The following STAT4 variants were observed in gnomAD, a reference collection of about 807,000 sequenced individuals.
STAT4 encodes the protein signal transducer and activator of transcription 4.
Under a neutral mutation model 110.5 loss-of-function variants are expected in STAT4, and 42 were observed. The ratio of observed to expected loss-of-function variants is 0.38; its 90% CI spans 0.30 to 0.49. The LOEUF is 0.49. Among genes scored for constraint, STAT4 ranks in the 20% least tolerant of loss-of-function variants. The pLI, the probability that STAT4 is intolerant of heterozygous loss-of-function variation, is 0.95. For missense variants in STAT4, 632 were observed against 887.9 expected (o/e 0.71, Z 3.66); for synonymous variants, 284 against 302.2 (o/e 0.94, Z 0.63).
chr2:191,040,115 T>G (rs1260969762), intron 15 of STAT4, among the ~76,000 whole-genome samples: 1 of 152,210 alleles, frequency 6.6e-6, no homozygotes, highest in African/African-American at 2.4e-5. Context: ...AGGATCATAT[T>G]CAGGGTGTGT....
At position 191,082,307 on chromosome 2, in the gene STAT4, C is replaced by T. The variant is rs913343451; in HGVS notation, c.274-5982G>A. Among the ~76,000 whole-genome samples, 3 of 152,140 alleles carry T rather than the reference C, an allele frequency of 2.0e-5. No individual in the cohort carries two copies. Among genetic ancestry groups the T allele is most frequent in the Admixed American group, 1.3e-4 (2 of 15,272 alleles). ...CAAATTTGTACCCTGCTGATTTGTTCCCGTCCCTTTCTGCATACATAATAA... is the reference window on the plus strand; with the variant it reads ...CAAATTTGTACCCTGCTGATTTGTTTCCGTCCCTTTCTGCATACATAATAA... On this transcript the variant is annotated intron_variant, in intron 3 of 23. Transcript: ENST00000392320. The surrounding 1 kb of genome is among the most constrained non-coding windows in gnomAD (Gnocchi z 4.7).
At chr2:191,136,944 A>C (rs1026272388) in intron 3 of STAT4, among the ~76,000 whole-genome samples, 2 of 152,206 alleles carry the variant, frequency 1.3e-5, no homozygotes, top group Non-Finnish European at 2.9e-5. Context: ...AATCAAGAAG[A>C]CAATCTCATT....
rs893444011 is a variant in STAT4 at position 191,147,707 on chromosome 2, T to C, written c.128+369A>G. ...AAAAAGATGGCTGAAAAAAATTAAA[T>C]GGTATAAGGTGAATAGAGCTTTGAA... On this transcript the variant is annotated intron_variant, in intron 2 of 23. Coordinates refer to ENST00000392320, the MANE Select transcript of STAT4 (RefSeq NM_003151.4). The surrounding 1 kb of genome is among the most constrained non-coding windows in gnomAD (Gnocchi z 4.1). 6.6e-6 allele frequency among the ~76,000 whole-genome samples: 1 copy of C among 152,144 alleles called. No homozygotes were observed. Among genetic ancestry groups the C allele is most frequent in the African/African-American group, 2.4e-5 (1 of 41,432 alleles).
In STAT4 at chr2:191,043,009, C is replaced by T. The variant is rs183559870; in HGVS notation, c.1252-1861G>A. ...GGTCAAGCTGGGCTCGAACTCCCGACCTCAGGTGATCCACCCGCCTTGGCC... is the reference window on the plus strand; with the variant it reads ...GGTCAAGCTGGGCTCGAACTCCCGATCTCAGGTGATCCACCCGCCTTGGCC... On this transcript the variant is annotated intron_variant, in intron 14 of 23. Transcript: ENST00000392320. The surrounding 1 kb of genome is among the most constrained non-coding windows in gnomAD (Gnocchi z 4.8). Among the ~76,000 whole-genome samples, 3 of 152,294 alleles carry T rather than the reference C, an allele frequency of 2.0e-5. No homozygotes were observed. The highest frequency in any genetic ancestry group is 1.9e-4 in the East Asian group (1 of 5,176).
rs1008709701 is a variant in STAT4 at position 191,146,007 on chromosome 2, A to G, written c.273+606T>C. Among the ~76,000 whole-genome samples the G allele has an allele frequency of 6.6e-6, 1 of 152,226 alleles. No homozygotes were observed. Among genetic ancestry groups the G allele is most frequent in the Non-Finnish European group, 1.5e-5 (1 of 68,034 alleles). On this transcript the variant is annotated intron_variant, in intron 3 of 23. Coordinates refer to ENST00000392320, the MANE Select transcript of STAT4 (RefSeq NM_003151.4). The surrounding 1 kb of genome is among the most constrained non-coding windows in gnomAD (Gnocchi z 4.5). ...GGGTGCTGGAAATTCAAAGTTGAAC[A>G]CTAAAGTCCTTGCCTCAAGGAACTC...
At chr2:191,109,890 T>A (rs994240453) in intron 3 of STAT4, among the ~76,000 whole-genome samples, 2 of 152,212 alleles carry the variant, frequency 1.3e-5, no homozygotes, top group African/African-American at 4.8e-5. Flanking sequence ...AACTCACAAC[T>A]GCAGGGTACT....
intron 3 of STAT4, among the ~76,000 whole-genome samples, chr2:191,096,690 T>C (rs1697994513): frequency 6.6e-6 from 1 of 152,262 alleles, no homozygotes; most frequent in East Asian, 1.9e-4. Context: ...ACTGGAAGCA[T>C]TCCCTTTGAA....
intron 3 of STAT4, among the ~76,000 whole-genome samples, chr2:191,133,699 G>C (rs1699103586): frequency 6.6e-6 from 1 of 151,404 alleles, no homozygotes; most frequent in Non-Finnish European, 1.5e-5. Flanking sequence ...CTATCTGAGG[G>C]AGAAAGACAA....
At chr2:191,132,678 A>G (rs1699068078) in intron 3 of STAT4, among the ~76,000 whole-genome samples, 2 of 151,794 alleles carry the variant, frequency 1.3e-5, no homozygotes, top group African/African-American at 4.9e-5. Flanking sequence ...CCTCATATTT[A>G]ATAGCATGGA....
rs71407854 is a variant in STAT4, at chr2:191,075,837, CTTTTTTTTT to C, written c.372+381_372+389del. 3.2e-3 allele frequency among the ~76,000 whole-genome samples: 390 copies of C among 121,474 alleles called. 2 individuals carry two copies. The highest frequency in any genetic ancestry group is 0.012 in the African/African-American group (360 of 30,326). The allele number at this position is 121,474 out of a possible 152,430, so 79.7% of individuals were successfully genotyped here. A position where few individuals can be genotyped will look rare whatever the true frequency, so the allele number is the denominator to read the frequency against. On this transcript the variant is annotated intron_variant, in intron 4 of 23. Coordinates refer to ENST00000392320, the MANE Select transcript of STAT4 (RefSeq NM_003151.4). ...TTAAAAATGTCTCCTTTCTTTCTTTCTTTTTTTTTTTTTTTTTTTGTTTTGTTTTAAAGA... is the reference window on the plus strand; with the variant it reads ...TTAAAAATGTCTCCTTTCTTTCTTTCTTTTTTTTTTGTTTTGTTTTAAAGA...
rs1418426857 is a variant in STAT4, at chr2:191,142,509, A to G, written c.273+4104T>C. Among the ~76,000 whole-genome samples, 2 of 152,146 alleles carry G rather than the reference A, an allele frequency of 1.3e-5. No homozygotes were observed. Among genetic ancestry groups the G allele is most frequent in the East Asian group, 3.8e-4 (2 of 5,202 alleles). The stretch of plus-strand genomic sequence containing the variant: ...GAGCCTGGTTAATGGGTACAAACAT[A>G]CAGTTAAATAGAAGGATTAAGTTCT... On this transcript the variant is annotated intron_variant, in intron 3 of 23. Transcript: ENST00000392320. The surrounding 1 kb of genome is among the most constrained non-coding windows in gnomAD (Gnocchi z 4.1).
chr2:191,122,327 GAA>G (rs71030324), intron 3 of STAT4, among the ~76,000 whole-genome samples: 1,647 of 139,734 alleles, frequency 0.012, 17 homozygotes, highest in South Asian at 0.054. Flanking sequence ...TCATAAAAAT[GAA>G]AAAAAAAAAA....
chr2:191,141,304 C>T (rs1355893182), intron 3 of STAT4, among the ~76,000 whole-genome samples: 1 of 151,406 alleles, frequency 6.6e-6, no homozygotes, highest in Non-Finnish European at 1.5e-5. Context: ...TGCTCAACAT[C>T]ACTAATCAGG....
chr2:191,126,950 G>T (rs1486980719), intron 3 of STAT4, among the ~76,000 whole-genome samples: 1 of 152,064 alleles, frequency 6.6e-6, no homozygotes, highest in African/African-American at 2.4e-5. Context: ...CTCCCACGTA[G>T]CTGAGTCTAC....
intron 4 of STAT4, 69 bp from the exon 5 acceptor site, chr2:191,073,259 A>G: frequency 7.7e-7 from 1 of 1,291,084 alleles, no homozygotes; most frequent in Admixed American, 1.7e-5. Flanking sequence ...TACATACCGC[A>G]TACAATTCGA....
chr2:191,075,335 T>C (rs1697280848), intron 4 of STAT4, among the ~76,000 whole-genome samples: 1 of 152,238 alleles, frequency 6.6e-6, no homozygotes, highest in Non-Finnish European at 1.5e-5. Flanking sequence ...TACTTGTTTT[T>C]AGTGGGAACT....
chr2:191,062,641 C>T lies in STAT4; in HGVS notation c.941+121G>A. On this transcript the variant is annotated intron_variant, in intron 9 of 23. Transcript: ENST00000392320. The surrounding 1 kb of genome is among the most constrained non-coding windows in gnomAD (Gnocchi z 4.9). ...CTAAAACTTTCTGGGGTTCTATTCA[C>T]TTCTCCCTGAGGCTCGTTGTTGAAT... is the stretch of plus-strand genomic sequence containing the variant. 9.2e-7 allele frequency: 1 copy of T among 1,083,114 alleles called. No individual in the cohort carries two copies. Among genetic ancestry groups the T allele is most frequent in the Non-Finnish European group, 1.3e-6 (1 of 749,636 alleles). 67.1% of individuals were successfully genotyped at this position (1,083,114 alleles called of 1,614,324 possible).
chr2:191,103,143 A>G (rs1325633832), intron 3 of STAT4, among the ~76,000 whole-genome samples: 1 of 152,150 alleles, frequency 6.6e-6, no homozygotes, highest in African/African-American at 2.4e-5. Context: ...GAAATCCTTC[A>G]TAAGATGGAG....
At chr2:191,048,788 CAAAAAAAAAAAAAAA>C (rs60267174) in intron 14 of STAT4, among the ~76,000 whole-genome samples, 11 of 48,796 alleles carry the variant, frequency 2.3e-4, no homozygotes, top group South Asian at 1.5e-3. Context: ...AACTCCATCT[CAAAAAAAAAAAAAAA>C]AAAAAAAAAA....
Sources: gnomAD v4.1 joint callset for allele counts (sites outside exome capture counted in the v4.1 genomes callset) on GRCh38, gnomAD v4.1.1 for gene constraint, Gnocchi (gnomAD v3.1) non-coding constraint, MANE v1.5 for transcripts, NCBI Gene and HGNC (gene_info 2026-07-23, HGNC 2026-07-21) for gene names.